CHN1: variants seen among roughly 807,000 people sequenced by gnomAD.
CHN1 encodes the protein N-chimaerin.
Under a neutral mutation model 59.5 loss-of-function variants are expected in CHN1, and 37 were observed. The observed-to-expected ratio is 0.62, with a 90% CI of 0.48 to 0.82. The LOEUF (loss-of-function observed/expected upper bound fraction) is 0.82. Ranked by LOEUF, CHN1 falls within the 40% of genes least tolerant of loss-of-function variation. The pLI is 0.00. For missense variants in CHN1, 469 were observed against 571.0 expected (o/e 0.82, Z 1.82); for synonymous variants, 206 against 200.4 (o/e 1.03, Z -0.24).
At chr2:174,817,629 T>A (rs78365397) in intron 8 of CHN1, among the ~76,000 whole-genome samples, 1 of 149,448 alleles carries the variant, frequency 6.7e-6, no homozygotes, top group African/African-American at 2.5e-5. Context: ...GCCCAGCTGA[T>A]TTTTTTTTCT....
chr2:174,814,110 C>T (rs946634637), intron 8 of CHN1, among the ~76,000 whole-genome samples: 4 of 152,136 alleles, frequency 2.6e-5, no homozygotes, highest in Non-Finnish European at 5.9e-5. Flanking sequence ...TGGCAACTCT[C>T]GGGAAAGAAT....
At chr2:174,903,263 TA>T (rs1688446496) in intron 5 of CHN1, among the ~76,000 whole-genome samples, 1 of 152,154 alleles carries the variant, frequency 6.6e-6, no homozygotes, top group Non-Finnish European at 1.5e-5. Context: ...ACCAATTAGC[TA>T]AAACTAAATA....
At chr2:174,947,443 G>C (rs542061596) in intron 2 of CHN1, among the ~76,000 whole-genome samples, 8 of 150,648 alleles carry the variant, frequency 5.3e-5, no homozygotes, top group Non-Finnish European at 1.2e-4. Flanking sequence ...GGCTACCAGT[G>C]GTTACTAACA....
rs187053773 is a variant in CHN1, at chr2:174,843,820, G to A, written c.627+3060C>T. ...AGAGAGATTAAGCAATTGACCCAAGGTGGTGCATATAATAAGCAAGCTCCT... is the reference window on the plus strand; with the variant it reads ...AGAGAGATTAAGCAATTGACCCAAGATGGTGCATATAATAAGCAAGCTCCT... On this transcript the variant is annotated intron_variant, in intron 7 of 12. Transcript: ENST00000409900. Among the ~76,000 whole-genome samples, 388 of 152,200 alleles carry A rather than the reference G, an allele frequency of 2.5e-3. 1 individual carries two copies. Among genetic ancestry groups the A allele is most frequent in the African/African-American group, 8.9e-3 (371 of 41,548 alleles).
At chr2:174,802,788 C>T (rs963490988) in intron 11 of CHN1, among the ~76,000 whole-genome samples, 1 of 152,128 alleles carries the variant, frequency 6.6e-6, no homozygotes, top group African/African-American at 2.4e-5. Flanking sequence ...ACCCGTAATC[C>T]CAGCACTTTG....
chr2:174,812,194 T>A, intron 9 of CHN1, 115 bp downstream of exon 9: 1 of 749,314 alleles, frequency 1.3e-6, no homozygotes, highest in Non-Finnish European at 2.0e-6. Flanking sequence ...TATGAAACCA[T>A]TCCCCTCCAA....
Position 175,005,032 on chromosome 2 carries a change from TG to T in CHN1, c.-121del, listed in dbSNP as rs1467807999. On this transcript the variant is annotated 5_prime_UTR_variant, in exon 1 of 13. Coordinates refer to ENST00000409900, the MANE Select transcript of CHN1 (RefSeq NM_001822.7). ...GAGTGGGGTGCCCGATGGGGCGTGCTGGGGGCGCCGGCGCCCGGGGAGGCTG... is the reference window on the plus strand; with the variant it reads ...GAGTGGGGTGCCCGATGGGGCGTGCTGGGGCGCCGGCGCCCGGGGAGGCTG... The T allele has an allele frequency of 5.7e-6, 8 of 1,399,572 alleles. No individual in the cohort carries two copies. The highest frequency in any genetic ancestry group is 1.4e-5 in the South Asian group (1 of 72,910). The allele number at this position is 1,399,572 out of a possible 1,614,324, so 86.7% of individuals were successfully genotyped here.
intron 1 of CHN1, among the ~76,000 whole-genome samples, chr2:174,968,037 G>A (rs570708724): frequency 3.9e-5 from 6 of 152,142 alleles, no homozygotes; most frequent in African/African-American, 7.2e-5. Context: ...TTGCCAGCAG[G>A]CATTAAAATA....
intron 5 of CHN1, among the ~76,000 whole-genome samples, chr2:174,889,328 G>T (rs1687980903): frequency 6.6e-6 from 1 of 151,810 alleles, no homozygotes; most frequent in South Asian, 2.1e-4. Context: ...AGCATATGAA[G>T]AAACAAGGAA....
intron 1 of CHN1, among the ~76,000 whole-genome samples, chr2:174,990,182 C>T (rs1184682372): frequency 6.6e-6 from 1 of 151,524 alleles, no homozygotes; most frequent in Non-Finnish European, 1.5e-5. Flanking sequence ...CTTCCCATTG[C>T]TCCTGACATT....
intron 3 of CHN1, among the ~76,000 whole-genome samples, chr2:174,920,478 A>G (rs976157171): frequency 1.3e-5 from 2 of 152,142 alleles, no homozygotes; most frequent in Non-Finnish European, 2.9e-5. Flanking sequence ...AATGGCAAAA[A>G]GGGAAAAAGC....
intron 5 of CHN1, among the ~76,000 whole-genome samples, chr2:174,891,363 A>G (rs1173537226): frequency 6.6e-6 from 1 of 151,628 alleles, no homozygotes; most frequent in African/African-American, 2.4e-5. Flanking sequence ...TGAGGTCCGG[A>G]GTTCAAGACC....
At chr2:174,864,956 T>C (rs1360371879) in intron 6 of CHN1, among the ~76,000 whole-genome samples, 1 of 151,804 alleles carries the variant, frequency 6.6e-6, no homozygotes, top group Non-Finnish European at 1.5e-5. Context: ...CTAAATCCTT[T>C]ATTTATTTAT....
intron 11 of CHN1, among the ~76,000 whole-genome samples, chr2:174,804,032 A>T (rs1684810970): frequency 6.6e-6 from 1 of 152,238 alleles, no homozygotes; most frequent in Non-Finnish European, 1.5e-5. Context: ...ACTGAGGGTG[A>T]CTGACAATAA....
At chr2:174,949,901 G>T (rs548053789) in intron 2 of CHN1, among the ~76,000 whole-genome samples, 1 of 151,808 alleles carries the variant, frequency 6.6e-6, no homozygotes, top group South Asian at 2.1e-4. Context: ...AAATGATTAC[G>T]GGGAGTTCAG....
intron 8 of CHN1, among the ~76,000 whole-genome samples, chr2:174,818,840 A>C (rs1461111257): frequency 6.6e-6 from 1 of 152,222 alleles, no homozygotes; most frequent in African/African-American, 2.4e-5. Context: ...CACAGGTTTT[A>C]TATCTAGAAA....
chr2:174,809,694 A>C (rs1445927667), intron 10 of CHN1, among the ~76,000 whole-genome samples: 2 of 152,226 alleles, frequency 1.3e-5, no homozygotes, highest in Admixed American at 1.3e-4. Flanking sequence ...AAATCCTGGA[A>C]TCTGATATCC....
chr2:174,981,098 T>A (rs2105449478), intron 1 of CHN1, among the ~76,000 whole-genome samples: 1 of 152,284 alleles, frequency 6.6e-6, no homozygotes, highest in Admixed American at 6.5e-5. Flanking sequence ...CATGATCAAA[T>A]GATATTTTTC....
At chr2:174,804,342 G>A (rs1422780845) in intron 11 of CHN1, among the ~76,000 whole-genome samples, 2 of 152,082 alleles carry the variant, frequency 1.3e-5, no homozygotes, top group Non-Finnish European at 2.9e-5. Flanking sequence ...GTGGTCAGAA[G>A]GGCAACAGGG....
Sources: allele counts gnomAD v4.1 joint callset (sites outside exome capture counted in the v4.1 genomes callset), GRCh38; gene constraint gnomAD v4.1.1; transcripts MANE v1.5; gene names NCBI Gene and HGNC (gene_info 2026-07-23, HGNC 2026-07-21).